The following STON2 variants were observed in gnomAD, a reference collection of about 807,000 sequenced individuals.
STON2 encodes stonin-2.
Under a neutral mutation model 65.7 loss-of-function variants are expected in STON2, and 29 were observed. That is an observed-to-expected ratio of 0.44 (90% confidence interval 0.33 to 0.60). The LOEUF (loss-of-function observed/expected upper bound fraction) is 0.60, where lower values mean the gene tolerates loss of function less well. Among genes scored for constraint, STON2 ranks in the 20% least tolerant of loss-of-function variants. STON2 has a pLI of 0.03. For missense variants in STON2, 1,054 were observed against 1,118.1 expected (o/e 0.94, Z 0.82); for synonymous variants, 404 against 414.2 (o/e 0.98, Z 0.30).
At chr14:81,383,711 C>CT (rs1899648329) in intron 3 of STON2, among the ~76,000 whole-genome samples, 1 of 152,154 alleles carries the variant, frequency 6.6e-6, no homozygotes, top group African/African-American at 2.4e-5. Context: ...ACCTGGTCTC[C>CT]TTGCCTCCAC....
At chr14:81,341,171 G>A (rs79288607) in intron 4 of STON2, among the ~76,000 whole-genome samples, 1 of 152,036 alleles carries the variant, frequency 6.6e-6, no homozygotes, top group African/African-American at 2.4e-5. Flanking sequence ...ACAAATGTCT[G>A]TATCTGATTT....
chr14:81,280,694 C>T (rs1895076507), intron 5 of STON2, among the ~76,000 whole-genome samples: 1 of 152,150 alleles, frequency 6.6e-6, no homozygotes, highest in Non-Finnish European at 1.5e-5. Flanking sequence ...TAGCAATTCT[C>T]TCAAATGAAA....
chr14:81,394,357 G>A (rs969620329), intron 3 of STON2, among the ~76,000 whole-genome samples: 1 of 151,932 alleles, frequency 6.6e-6, no homozygotes, highest in Non-Finnish European at 1.5e-5. Flanking sequence ...GCCTTAAAAA[G>A]TGACACTAGC....
intron 5 of STON2, among the ~76,000 whole-genome samples, chr14:81,288,973 G>A (rs1895448272): frequency 6.7e-6 from 1 of 150,300 alleles, no homozygotes; most frequent in African/African-American, 2.5e-5. Context: ...ACTGTGACCA[G>A]GACAGGTGAC....
At chr14:81,325,926 C>T (rs1896989821) in intron 4 of STON2, among the ~76,000 whole-genome samples, 1 of 151,962 alleles carries the variant, frequency 6.6e-6, no homozygotes, top group African/African-American at 2.4e-5. Flanking sequence ...ACACGTTTTA[C>T]TCTACGGGTT....
chr14:81,366,573 G>C (rs1265178212), intron 4 of STON2, among the ~76,000 whole-genome samples: 2 of 152,034 alleles, frequency 1.3e-5, no homozygotes, highest in African/African-American at 4.8e-5. Context: ...GCACGGCAGG[G>C]GGTGGGGGGG....
intron 5 of STON2, among the ~76,000 whole-genome samples, chr14:81,315,961 A>G (rs967749657): frequency 6.6e-6 from 1 of 152,240 alleles, no homozygotes; most frequent in Non-Finnish European, 1.5e-5. Flanking sequence ...TATCAGTTGG[A>G]GCAGACCCTA....
chr14:81,279,768 A>T (rs1482739763), intron 5 of STON2, among the ~76,000 whole-genome samples: 1 of 152,190 alleles, frequency 6.6e-6, no homozygotes, highest in East Asian at 1.9e-4. Context: ...AAGGTGCCAT[A>T]ATAGGAGCAC....
chr14:81,293,557 T>C (rs973869201), intron 5 of STON2, among the ~76,000 whole-genome samples: 2 of 152,166 alleles, frequency 1.3e-5, no homozygotes, highest in African/African-American at 2.4e-5. Flanking sequence ...TCCTTCTCTA[T>C]CTGTACTCTT....
At chr14:81,328,499 T>C (rs1364619434) in intron 4 of STON2, among the ~76,000 whole-genome samples, 3 of 152,200 alleles carry the variant, frequency 2.0e-5, no homozygotes, top group African/African-American at 4.8e-5. Flanking sequence ...AAAAGAAAGA[T>C]GTACCAGCAT....
intron 4 of STON2, among the ~76,000 whole-genome samples, chr14:81,334,217 T>C (rs962684038): frequency 1.3e-5 from 2 of 152,166 alleles, no homozygotes; most frequent in Admixed American, 1.3e-4. Flanking sequence ...AATACCCACC[T>C]CCTCTCTGCC....
chr14:81,341,446 G>GGT (rs1555401153), intron 4 of STON2, among the ~76,000 whole-genome samples: 2 of 115,752 alleles, frequency 1.7e-5, no homozygotes, highest in Admixed American at 1.7e-4. Context: ...TTTTATAAGT[G>GGT]TTTTTTTTTT....
chr14:81,271,805 T>C (rs1894606273), intron 6 of STON2, among the ~76,000 whole-genome samples: 1 of 152,220 alleles, frequency 6.6e-6, no homozygotes. Context: ...TGAAGTACCC[T>C]ATGCCTTCTT....
chr14:81,284,606 T>C (rs545332976), intron 5 of STON2, among the ~76,000 whole-genome samples: 1 of 152,344 alleles, frequency 6.6e-6, no homozygotes, highest in East Asian at 1.9e-4. Flanking sequence ...AGTGCTAATG[T>C]AGAAGCTGCA....
At chr14:81,320,950 T>A (rs1396238605) in intron 5 of STON2, among the ~76,000 whole-genome samples, 2 of 152,206 alleles carry the variant, frequency 1.3e-5, no homozygotes, top group African/African-American at 4.8e-5. Context: ...CCTTAAAGAC[T>A]ACAGGCTGAT....
At chr14:81,285,462 T>C (rs1397975835) in intron 5 of STON2, among the ~76,000 whole-genome samples, 2 of 152,184 alleles carry the variant, frequency 1.3e-5, no homozygotes, top group Non-Finnish European at 2.9e-5. Context: ...TGCTGTAATC[T>C]CATGATAAAA....
chr14:81,419,066 C>T (rs1566952245), intron 2 of STON2, among the ~76,000 whole-genome samples: 1 of 151,752 alleles, frequency 6.6e-6, no homozygotes. Context: ...AAAAAACTCT[C>T]AACTTAAATT....
At position 81,398,378 on chromosome 14, in the gene STON2, G is replaced by A. The variant is rs139086012; in HGVS notation, c.5C>T (p.Thr2Met). M[T>M]TLDHVIATHQ... ...GGTGGCAATCACATGGTCCAAAGTC[G>A]TCATGCTAAAAAGGCACTGGTCATC... is the stretch of plus-strand genomic sequence containing the variant. The change falls in exon 2 of 8, where the codon ACG (threonine) becomes ATG (methionine). Residue 2 changes from threonine to methionine, a missense_variant. Coordinates refer to ENST00000614646, the MANE Select transcript of STON2 (RefSeq NM_001394390.1). 8.1e-5 allele frequency: 131 copies of A among 1,613,762 alleles called. No homozygotes were observed. The Middle Eastern group carries it at 1.7e-3, about 20-fold the overall frequency.
In STON2 at chr14:81,314,282, G is replaced by A. The variant is rs184706403; in HGVS notation, c.742+9735C>T. Among the ~76,000 whole-genome samples, 24 of 152,316 alleles carry A rather than the reference G, an allele frequency of 1.6e-4. No individual in the cohort carries two copies. In the East Asian group the frequency reaches 3.9e-3, roughly 24 times the overall value. On this transcript the variant is annotated intron_variant, in intron 5 of 7. Coordinates refer to ENST00000614646, the MANE Select transcript of STON2 (RefSeq NM_001394390.1). ...CTTTTGACTACACTGGCACAAGAAC[G>A]GCAGTTTCAGTGGCCACACAAACTT... is the stretch of plus-strand genomic sequence containing the variant.
Sources: gnomAD v4.1 joint callset for allele counts (sites outside exome capture counted in the v4.1 genomes callset) on GRCh38, gnomAD v4.1.1 for gene constraint, MANE v1.5 for transcripts, NCBI Gene and HGNC (gene_info 2026-07-23, HGNC 2026-07-21) for gene names.